MEF2C: variants seen among roughly 807,000 people sequenced by gnomAD.
MEF2C encodes myocyte-specific enhancer factor 2C.
In MEF2C, 6 loss-of-function variants were observed where a neutral mutation model predicts 50.5. That is an observed-to-expected ratio of 0.12 (90% CI 0.07 to 0.23). The LOEUF (loss-of-function observed/expected upper bound fraction) is 0.23, where lower values mean the gene tolerates loss of function less well. Among genes scored for constraint, MEF2C ranks in the 10% least tolerant of loss-of-function variants. The probability of loss-of-function intolerance (pLI) is 1.00; values close to 1 mark genes in which losing one functional copy is unlikely to be tolerated. For missense variants in MEF2C, 276 were observed against 605.0 expected (o/e 0.46, Z 5.70); for synonymous variants, 183 against 228.0 (o/e 0.80, Z 1.78).
intron 1 of MEF2C, among the ~76,000 whole-genome samples, chr5:88,873,786 A>T (rs964535382): frequency 6.6e-6 from 1 of 150,546 alleles, no homozygotes; most frequent in Non-Finnish European, 1.5e-5. Context: ...AAAGAAAAAA[A>T]TAGTCAAAAT....
intron 3 of MEF2C, among the ~76,000 whole-genome samples, chr5:88,783,942 A>G (rs1050374121): frequency 1.3e-5 from 2 of 152,344 alleles, no homozygotes; most frequent in Non-Finnish European, 2.9e-5. Context: ...AATAAAACAA[A>G]ATCTACATAT....
At chr5:88,806,012 A>T (rs1350225732) in intron 2 of MEF2C, among the ~76,000 whole-genome samples, 1 of 151,650 alleles carries the variant, frequency 6.6e-6, no homozygotes, top group African/African-American at 2.4e-5. Flanking sequence ...AAAGAGGCAC[A>T]TTGGTATATG....
chr5:88,737,420 G>A, intron 6 of MEF2C: 2 of 985,396 alleles, frequency 2.0e-6, no homozygotes, highest in Non-Finnish European at 2.4e-6. Context: ...CTAACTGCAA[G>A]TGGTAGAATT....
chr5:88,877,649 G>C (rs1831471206), intron 1 of MEF2C, among the ~76,000 whole-genome samples: 1 of 151,910 alleles, frequency 6.6e-6, no homozygotes, highest in Non-Finnish European at 1.5e-5. Flanking sequence ...AATGCTTCCA[G>C]CACCCTTTAT....
chr5:88,732,740 A>G (rs1437942494), intron 6 of MEF2C, among the ~76,000 whole-genome samples: 1 of 152,220 alleles, frequency 6.6e-6, no homozygotes, highest in African/African-American at 2.4e-5. Context: ...AGTTGATTAC[A>G]AATGCCAGCA....
intron 1 of MEF2C, among the ~76,000 whole-genome samples, chr5:88,862,880 T>C (rs987806729): frequency 6.6e-6 from 1 of 152,244 alleles, no homozygotes; most frequent in Non-Finnish European, 1.5e-5. Context: ...CACTTCCTAC[T>C]TCTGATACCA....
intron 4 of MEF2C, among the ~76,000 whole-genome samples, chr5:88,760,220 C>T (rs1193944213): frequency 1.3e-5 from 2 of 152,208 alleles, no homozygotes; most frequent in African/African-American, 4.8e-5. Flanking sequence ...GTACTTTCCT[C>T]CTATATATGT....
intron 1 of MEF2C, among the ~76,000 whole-genome samples, chr5:88,869,276 TAC>T (rs1329449355): frequency 0.39 from 38,070 of 97,210 alleles, 7,392 homozygotes; most frequent in African/African-American, 0.53. Flanking sequence ...TATATATATA[TAC>T]ATATATATAT....
At chr5:88,820,198 C>T (rs1807592931) in intron 2 of MEF2C, among the ~76,000 whole-genome samples, 1 of 151,746 alleles carries the variant, frequency 6.6e-6, no homozygotes, top group Non-Finnish European at 1.5e-5. Flanking sequence ...TTAAGAAATC[C>T]ATGTTGTCTA....
chr5:88,888,837 C>A (rs1050905015), intron 1 of MEF2C: 2 of 151,266 alleles, frequency 1.3e-5, no homozygotes, highest in Non-Finnish European at 2.9e-5. Flanking sequence ...GTGGCTGATT[C>A]AAAAATAACC....
intron 4 of MEF2C, among the ~76,000 whole-genome samples, chr5:88,753,087 T>C (rs1005501718): frequency 3.3e-5 from 5 of 151,866 alleles, no homozygotes; most frequent in South Asian, 2.1e-4. Flanking sequence ...CAGTTGGTTG[T>C]TTTTTTTGGT....
chr5:88,893,720 G>T lies in MEF2C; in HGVS notation c.-239-6122C>A, dbSNP rs189509262. On this transcript the variant is annotated intron_variant, in intron 1 of 11. Coordinates refer to the MEF2C transcript ENST00000340208. ...TTTATAGAAATTGTGGAACAAGGAG[G>T]CACATAATTATATCAATATTCTAAT... Among the ~76,000 whole-genome samples, 439 of 152,070 alleles carry T rather than the reference G, an allele frequency of 2.9e-3. 2 individuals are homozygous for T. The highest frequency in any genetic ancestry group is 0.024 in the Middle Eastern group (7 of 294).
chr5:88,729,129 C>A, intron 9 of MEF2C, 89 bp downstream of exon 9: 1 of 1,513,836 alleles, frequency 6.6e-7, no homozygotes, highest in Admixed American at 1.8e-5. Flanking sequence ...CTAAATAAAG[C>A]TTCCTAATAG....
chr5:88,841,376 G>T (rs760756585), intron 1 of MEF2C, among the ~76,000 whole-genome samples: 2 of 151,904 alleles, frequency 1.3e-5, no homozygotes, highest in Non-Finnish European at 2.9e-5. Context: ...GTGTGGTGGC[G>T]CATGCCTGGA....
chr5:88,873,121 AG>A (rs1398996067), intron 1 of MEF2C, among the ~76,000 whole-genome samples: 1 of 151,944 alleles, frequency 6.6e-6, no homozygotes, highest in Non-Finnish European at 1.5e-5. Flanking sequence ...GCAACCTAAA[AG>A]GCATAATGTG....
intron 6 of MEF2C, 26 bp downstream of exon 6, chr5:88,749,044 T>C (rs751616671): frequency 1.9e-6 from 3 of 1,561,814 alleles, no homozygotes; most frequent in Non-Finnish European, 2.6e-6. Flanking sequence ...CAATGATACA[T>C]ACTGCAGTAT....
intron 1 of MEF2C, among the ~76,000 whole-genome samples, chr5:88,860,492 A>G (rs747924489): frequency 6.6e-6 from 1 of 151,030 alleles, no homozygotes; most frequent in Non-Finnish European, 1.5e-5. Context: ...AGAAATTGTA[A>G]TTTTTTTTTC....
intron 3 of MEF2C, among the ~76,000 whole-genome samples, chr5:88,791,032 A>G (rs547870408): frequency 6.6e-6 from 1 of 152,340 alleles, no homozygotes; most frequent in South Asian, 2.1e-4. Context: ...TGAATATTTC[A>G]TGACTATATA....
chr5:88,806,900 C>G (rs1800676069), intron 2 of MEF2C, among the ~76,000 whole-genome samples: 1 of 152,078 alleles, frequency 6.6e-6, no homozygotes, highest in Non-Finnish European at 1.5e-5. Context: ...ATCCCCAGTG[C>G]TTAGACCAGT....
Sources: gnomAD v4.1 joint callset for allele counts (sites outside exome capture counted in the v4.1 genomes callset) on GRCh38, gnomAD v4.1.1 for gene constraint, MANE v1.5 for transcripts, NCBI Gene and HGNC (gene_info 2026-07-23, HGNC 2026-07-21) for gene names.